The following ADGRL2 variants were observed in gnomAD, a reference collection of about 807,000 sequenced individuals.
ADGRL2 encodes adhesion G protein-coupled receptor L2, also known as calcium-independent alpha-latrotoxin receptor 2.
In ADGRL2, 44 loss-of-function variants were observed where a neutral mutation model predicts 157.4. The ratio of observed to expected loss-of-function variants is 0.28; its 90% confidence interval spans 0.22 to 0.36. ADGRL2 has a LOEUF of 0.36. Among genes scored for constraint, ADGRL2 ranks in the 10% least tolerant of loss-of-function variants. The pLI, the probability that ADGRL2 is intolerant of heterozygous loss-of-function variation, is 1.00. For missense variants in ADGRL2, 1,510 were observed against 1,768.9 expected (o/e 0.85, Z 2.63); for synonymous variants, 585 against 624.7 (o/e 0.94, Z 0.95).
At chr1:81,413,319 T>C (rs916813059) in intron 1 of ADGRL2, among the ~76,000 whole-genome samples, 4 of 152,116 alleles carry the variant, frequency 2.6e-5, no homozygotes, top group Non-Finnish European at 5.9e-5. Flanking sequence ...ACAGACCAAA[T>C]AATATTTCCA....
At chr1:81,314,192 T>C (rs1659950700) in intron 1 of ADGRL2, among the ~76,000 whole-genome samples, 1 of 152,216 alleles carries the variant, frequency 6.6e-6, no homozygotes, top group Admixed American at 6.5e-5. Context: ...ACTCAATGGC[T>C]TACTGCTGTG....
chr1:81,976,177 C>G (rs1183915900), intron 17 of ADGRL2, among the ~76,000 whole-genome samples: 1 of 151,818 alleles, frequency 6.6e-6, no homozygotes, highest in Non-Finnish European at 1.5e-5. Context: ...TCTAATAAGA[C>G]TAGTAAATAA....
chr1:81,761,061 CCA>C (rs1188342326), intron 1 of ADGRL2, among the ~76,000 whole-genome samples: 6 of 151,596 alleles, frequency 4.0e-5, no homozygotes, highest in African/African-American at 1.5e-4. Context: ...CCTTCAAATC[CCA>C]GTTTTATTCT....
intron 1 of ADGRL2, among the ~76,000 whole-genome samples, chr1:81,383,416 TAG>T (rs1194012060): frequency 1.3e-5 from 2 of 152,022 alleles, no homozygotes; most frequent in Non-Finnish European, 2.9e-5. Flanking sequence ...GAGGAATAGA[TAG>T]AGAGAGAAAG....
At chr1:81,436,273 G>C (rs1452932263) in intron 1 of ADGRL2, among the ~76,000 whole-genome samples, 1 of 152,072 alleles carries the variant, frequency 6.6e-6, no homozygotes, top group Non-Finnish European at 1.5e-5. Flanking sequence ...ACTTGCCGAC[G>C]ACATCACGGT....
At chr1:81,632,627 C>T (rs1472206491) in intron 3 of ADGRL2, among the ~76,000 whole-genome samples, 13 of 152,064 alleles carry the variant, frequency 8.5e-5, no homozygotes, top group Non-Finnish European at 1.5e-5. Flanking sequence ...GATGTGGTGG[C>T]AGGCGCCTGT....
chr1:81,775,952 G>A (rs752552221), intron 2 of ADGRL2, among the ~76,000 whole-genome samples: 1 of 152,012 alleles, frequency 6.6e-6, no homozygotes, highest in African/African-American at 2.4e-5. Flanking sequence ...AGTGATATAC[G>A]AACTAACTAC....
At chr1:81,855,659 C>T (rs1456788638) in intron 2 of ADGRL2, among the ~76,000 whole-genome samples, 2 of 151,910 alleles carry the variant, frequency 1.3e-5, no homozygotes, top group African/African-American at 2.4e-5. Context: ...CAAGAAAAGT[C>T]GGACATTGGA....
At chr1:81,575,466 G>T (rs2080779953) in intron 2 of ADGRL2, among the ~76,000 whole-genome samples, 1 of 152,146 alleles carries the variant, frequency 6.6e-6, no homozygotes, top group Non-Finnish European at 1.5e-5. Flanking sequence ...ACTGTTAGCG[G>T]CAGTATCTAA....
At chr1:81,443,046 T>C (rs2077537642) in intron 1 of ADGRL2, among the ~76,000 whole-genome samples, 1 of 152,184 alleles carries the variant, frequency 6.6e-6, no homozygotes. Context: ...AATCTTTAAA[T>C]TCAAGAAACA....
At chr1:81,474,261 A>G (rs1307866598) in intron 2 of ADGRL2, among the ~76,000 whole-genome samples, 1 of 152,226 alleles carries the variant, frequency 6.6e-6, no homozygotes, top group Non-Finnish European at 1.5e-5. Context: ...AAGAATCATT[A>G]TGTTTATTGT....
chr1:81,986,426 T>G (rs575459391), intron 21 of ADGRL2, among the ~76,000 whole-genome samples: 1 of 152,202 alleles, frequency 6.6e-6, no homozygotes, highest in Non-Finnish European at 1.5e-5. Context: ...TTTCTACCTG[T>G]CTGTGAAAGT....
chr1:81,466,044 CAT>C (rs1194911701), intron 2 of ADGRL2, among the ~76,000 whole-genome samples: 1 of 152,196 alleles, frequency 6.6e-6, no homozygotes, highest in Non-Finnish European at 1.5e-5. Flanking sequence ...CAGTGTACCA[CAT>C]GTGTACATGT....
intron 1 of ADGRL2, among the ~76,000 whole-genome samples, chr1:81,380,146 C>T (rs1158761431): frequency 2.1e-5 from 3 of 143,342 alleles, no homozygotes; most frequent in African/African-American, 5.0e-5. Context: ...CAAACTCTAA[C>T]TTTTTTTCTC....
chr1:81,646,409 G>A (rs1360777153), intron 3 of ADGRL2, among the ~76,000 whole-genome samples: 1 of 152,112 alleles, frequency 6.6e-6, no homozygotes, highest in East Asian at 1.9e-4. Flanking sequence ...TGACTTCATG[G>A]GTGGAAAATC....
intron 2 of ADGRL2, among the ~76,000 whole-genome samples, chr1:81,839,181 T>C (rs1279484656): frequency 6.6e-6 from 1 of 152,058 alleles, no homozygotes; most frequent in Non-Finnish European, 1.5e-5. Flanking sequence ...TGTAACCTTT[T>C]AACATCTTAC....
At chr1:81,849,080 A>G (rs2092908581) in intron 2 of ADGRL2, among the ~76,000 whole-genome samples, 1 of 151,964 alleles carries the variant, frequency 6.6e-6, no homozygotes, top group Admixed American at 6.6e-5. Context: ...CTTTTGTTGC[A>G]TTAATGGCAC....
At chr1:81,851,949 G>A (rs931218300) in intron 2 of ADGRL2, among the ~76,000 whole-genome samples, 5 of 151,736 alleles carry the variant, frequency 3.3e-5, no homozygotes, top group Non-Finnish European at 5.9e-5. Context: ...ATTTTGAAGA[G>A]GAAAGCATCT....
At chr1:81,984,833 T>G (rs1662692644) in intron 20 of ADGRL2, 122 bp downstream of exon 20, 1 of 1,105,362 alleles carries the variant, frequency 9.0e-7, no homozygotes, top group Non-Finnish European at 1.3e-6. Flanking sequence ...AAATACTTGC[T>G]TTTTTAGTAT....
Sources: gnomAD v4.1 joint callset for allele counts (sites outside exome capture counted in the v4.1 genomes callset) on GRCh38, gnomAD v4.1.1 for gene constraint, MANE v1.5 for transcripts, NCBI Gene and HGNC (gene_info 2026-07-23, HGNC 2026-07-21) for gene names.